Variants in BTRC observed in about 807,000 individuals in gnomAD.
BTRC encodes beta-transducin repeat containing E3 ubiquitin protein ligase, also known as F-box/WD repeat-containing protein 1A.
Under a neutral mutation model 85.5 loss-of-function variants are expected in BTRC, and 42 were observed. The observed-to-expected ratio is 0.49, with a 90% CI of 0.38 to 0.64. BTRC has a LOEUF of 0.64. Ranked by LOEUF, BTRC falls within the 30% of genes least tolerant of loss-of-function variation. BTRC has a pLI of 0.00. For missense variants in BTRC, 594 were observed against 743.5 expected, an observed-to-expected ratio of 0.80 and a Z score of 2.34; for synonymous variants, 255 against 263.3, an observed-to-expected ratio of 0.97 and a Z score of 0.30.
intron 1 of BTRC, among the ~76,000 whole-genome samples, chr10:101,393,794 C>A (rs1943296782): frequency 6.6e-6 from 1 of 152,158 alleles, no homozygotes; most frequent in Admixed American, 6.5e-5. Flanking sequence ...ATGTGCACAC[C>A]CTGCTTTGGA....
At chr10:101,438,294 G>A (rs922110999) in intron 2 of BTRC, among the ~76,000 whole-genome samples, 1 of 151,636 alleles carries the variant, frequency 6.6e-6, no homozygotes, top group African/African-American at 2.4e-5. Context: ...GCGTGGTGGT[G>A]GGCGCCTGTA....
At chr10:101,488,575 T>C (rs565323102) in intron 4 of BTRC, among the ~76,000 whole-genome samples, 1 of 152,308 alleles carries the variant, frequency 6.6e-6, no homozygotes, top group South Asian at 2.1e-4. Context: ...AGCTTCTGTT[T>C]CCTAGACCTT....
chr10:101,465,532 A>C (rs1430876755), intron 3 of BTRC, among the ~76,000 whole-genome samples: 1 of 152,198 alleles, frequency 6.6e-6, no homozygotes, highest in Non-Finnish European at 1.5e-5. Context: ...CTATTAAATA[A>C]ATTTAATTAA....
chr10:101,370,858 G>A (rs910785236), intron 1 of BTRC, among the ~76,000 whole-genome samples: 1 of 152,014 alleles, frequency 6.6e-6, no homozygotes, highest in Non-Finnish European at 1.5e-5. Flanking sequence ...GGGGTTACAG[G>A]TGTGCACCAC....
intron 1 of BTRC, among the ~76,000 whole-genome samples, chr10:101,368,201 T>TCTGGCA (rs1026875911): frequency 5.9e-5 from 9 of 152,072 alleles, no homozygotes; most frequent in African/African-American, 2.2e-4. Context: ...AGTTTAAGAG[T>TCTGGCA]CTGGCACCTC....
rs181934468 is a variant in BTRC at position 101,548,955 on chromosome 10, A to G, written c.1657-1744A>G. Among the ~76,000 whole-genome samples, 668 of 151,346 alleles carry G rather than the reference A, an allele frequency of 4.4e-3. 10 individuals carry two copies. The highest frequency in any genetic ancestry group is 0.015 in the African/African-American group (635 of 41,154). On this transcript the variant is annotated intron_variant, in intron 13 of 14. Transcript: ENST00000370187. ...GTAATCCCAGGTACTCAGGAGACTG[A>G]GGCAGGAGAATCGCTTGAACCCAGG...
At chr10:101,517,597 T>C (rs377370155) in intron 4 of BTRC, among the ~76,000 whole-genome samples, 28 of 152,330 alleles carry the variant, frequency 1.8e-4, no homozygotes, top group African/African-American at 6.5e-4. Context: ...TAAGTAAATA[T>C]GCCAAAGATC....
chr10:101,534,553 C>T (rs1001071113), intron 9 of BTRC, 108 bp from the exon 10 acceptor site: 12 of 1,402,340 alleles, frequency 8.6e-6, no homozygotes, highest in South Asian at 1.3e-5. Context: ...CCCACTCTCC[C>T]AGTCTGGCCC....
chr10:101,361,568 T>C (rs1435993429), intron 1 of BTRC, among the ~76,000 whole-genome samples: 1 of 152,192 alleles, frequency 6.6e-6, no homozygotes, highest in Non-Finnish European at 1.5e-5. Context: ...AAATAGGCAA[T>C]GGAGGGGGGA....
intron 1 of BTRC, among the ~76,000 whole-genome samples, chr10:101,402,573 C>T (rs6584422): frequency 0.7 from 105,758 of 152,098 alleles, 37,219 homozygotes; most frequent in East Asian, 0.81. Context: ...TAATTCCTAT[C>T]TTAAAAATTC....
chr10:101,356,587 A>T (rs373660592), intron 1 of BTRC, among the ~76,000 whole-genome samples: 1 of 152,082 alleles, frequency 6.6e-6, no homozygotes. Flanking sequence ...GGAGAAGCCA[A>T]TTTTTTCTTT....
intron 4 of BTRC, among the ~76,000 whole-genome samples, chr10:101,492,466 C>T (rs1209470589): frequency 2.6e-5 from 4 of 151,984 alleles, no homozygotes; most frequent in African/African-American, 9.7e-5. Flanking sequence ...CTATGTGTGA[C>T]GTTCATTTTC....
intron 2 of BTRC, among the ~76,000 whole-genome samples, chr10:101,442,748 G>T (rs1168989487): frequency 6.6e-6 from 1 of 152,078 alleles, no homozygotes. Flanking sequence ...AAGGATAAAT[G>T]ATACAGGGCT....
rs527768421 is a variant in BTRC at position 101,374,370 on chromosome 10, T to C, written c.48+20142T>C. Among the ~76,000 whole-genome samples, 431 of 152,074 alleles carry C rather than the reference T, an allele frequency of 2.8e-3. 3 individuals carry two copies. Among genetic ancestry groups the C allele is most frequent in the African/African-American group, 0.01 (424 of 41,470 alleles). ...CGGCATTATTCACAATAGCAAAGAC[T>C]TGGAACCAACCCAAATGTCCAACAA... is the stretch of plus-strand genomic sequence containing the variant. On this transcript the variant is annotated intron_variant, in intron 1 of 14. Transcript: ENST00000370187.
chr10:101,399,826 T>C (rs1943452477), intron 1 of BTRC, among the ~76,000 whole-genome samples: 1 of 152,212 alleles, frequency 6.6e-6, no homozygotes, highest in African/African-American at 2.4e-5. Context: ...TACTTTATTT[T>C]CCTGGAAGAA....
chr10:101,455,070 T>G (rs1220170022), intron 2 of BTRC, among the ~76,000 whole-genome samples: 3 of 151,902 alleles, frequency 2.0e-5, no homozygotes, highest in Non-Finnish European at 4.4e-5. Context: ...CTTTTTTTTT[T>G]TTTTTCTTTG....
chr10:101,527,452 T>C (rs1194967383), intron 6 of BTRC, among the ~76,000 whole-genome samples: 2 of 152,190 alleles, frequency 1.3e-5, no homozygotes, highest in Non-Finnish European at 2.9e-5. Context: ...TTTTAGGCTG[T>C]GTAACAAAGA....
intron 1 of BTRC, among the ~76,000 whole-genome samples, chr10:101,418,120 A>G (rs1943995880): frequency 6.6e-6 from 1 of 152,216 alleles, no homozygotes; most frequent in African/African-American, 2.4e-5. Context: ...TAATCCCAGC[A>G]CTTTGAGAGG....
At chr10:101,487,202 G>A (rs1433294914) in intron 4 of BTRC, among the ~76,000 whole-genome samples, 1 of 152,192 alleles carries the variant, frequency 6.6e-6, no homozygotes, top group Non-Finnish European at 1.5e-5. Context: ...TATAGGAGGT[G>A]AAGCGTGCTT....
Sources: allele counts gnomAD v4.1 joint callset (sites outside exome capture counted in the v4.1 genomes callset), GRCh38; gene constraint gnomAD v4.1.1; transcripts MANE v1.5; gene names NCBI Gene and HGNC (gene_info 2026-07-23, HGNC 2026-07-21).